Variants in FOXP2 observed in about 807,000 individuals in gnomAD.
FOXP2 encodes the protein forkhead box protein P2.
A neutral mutation model predicts 115.8 loss-of-function variants in FOXP2; 12 were observed. The observed-to-expected ratio is 0.10, with a 90% CI of 0.07 to 0.17. The LOEUF is 0.17. Ranked by LOEUF, FOXP2 falls within the 10% of genes least tolerant of loss-of-function variation. The pLI is 1.00. For missense variants in FOXP2, 629 were observed against 843.5 expected, an observed-to-expected ratio of 0.75 and a Z score of 3.15; for synonymous variants, 328 against 297.7, an observed-to-expected ratio of 1.10 and a Z score of -1.05.
intron 2 of FOXP2, among the ~76,000 whole-genome samples, chr7:114,332,249 T>C (rs1180057197): frequency 1.3e-5 from 2 of 152,212 alleles, no homozygotes; most frequent in Admixed American, 6.5e-5. Context: ...TTAAATAATT[T>C]GGTTGACAAA....
At chr7:114,167,855 G>C (rs1222486313) in intron 1 of FOXP2, among the ~76,000 whole-genome samples, 2 of 148,880 alleles carry the variant, frequency 1.3e-5, no homozygotes, top group Admixed American at 1.4e-4. Context: ...AGAATGGTGT[G>C]AACCTGGGAG....
At chr7:114,143,885 T>C (rs1313039847) in intron 1 of FOXP2, among the ~76,000 whole-genome samples, 1 of 152,120 alleles carries the variant, frequency 6.6e-6, no homozygotes. Flanking sequence ...CTGGTTCTAC[T>C]TAATAATTTT....
chr7:114,449,243 A>C (rs1416005820), intron 2 of FOXP2, among the ~76,000 whole-genome samples: 1 of 152,084 alleles, frequency 6.6e-6, no homozygotes, highest in Admixed American at 6.6e-5. Flanking sequence ...TAGATAGAGG[A>C]TCTAAAAATA....
At chr7:114,568,202 T>C (rs1162857404) in intron 3 of FOXP2, among the ~76,000 whole-genome samples, 2 of 152,018 alleles carry the variant, frequency 1.3e-5, no homozygotes, top group Non-Finnish European at 2.9e-5. Context: ...TGTCTCTTGT[T>C]CCTATGGATA....
At chr7:114,159,267 C>A (rs1792760224), upstream of FOXP2, among the ~76,000 whole-genome samples, 1 of 151,886 alleles carries the variant, frequency 6.6e-6, no homozygotes. Flanking sequence ...AAACAATGAG[C>A]TAAATGAAGC....
At chr7:114,476,003 T>C (rs2129233627) in intron 2 of FOXP2, among the ~76,000 whole-genome samples, 1 of 151,992 alleles carries the variant, frequency 6.6e-6, no homozygotes, top group African/African-American at 2.4e-5. Context: ...AACTAATATC[T>C]ATATCTATAT....
intron 3 of FOXP2, among the ~76,000 whole-genome samples, chr7:114,573,006 T>A (rs1801395887): frequency 1.3e-5 from 2 of 151,854 alleles, no homozygotes; most frequent in Non-Finnish European, 2.9e-5. Flanking sequence ...TTCTTCCATG[T>A]GTCTGAGACT....
At chr7:114,579,852 A>G (rs557112510) in intron 3 of FOXP2, among the ~76,000 whole-genome samples, 10 of 152,326 alleles carry the variant, frequency 6.6e-5, no homozygotes, top group African/African-American at 2.2e-4. Context: ...GTTATCACCT[A>G]TATTTGAGAA....
intron 1 of FOXP2, among the ~76,000 whole-genome samples, chr7:114,135,778 A>G (rs1254336144): frequency 1.3e-5 from 2 of 152,136 alleles, no homozygotes; most frequent in Non-Finnish European, 2.9e-5. Context: ...TACTTAACCC[A>G]TAAAATAAAG....
At chr7:114,684,448 G>A (rs1030154472) in intron 16 of FOXP2, among the ~76,000 whole-genome samples, 1 of 152,134 alleles carries the variant, frequency 6.6e-6, no homozygotes, top group African/African-American at 2.4e-5. Flanking sequence ...CCAAAATAAT[G>A]CTTATTGACT....
chr7:114,310,733 A>T (rs1488066347), intron 2 of FOXP2, among the ~76,000 whole-genome samples: 1 of 152,090 alleles, frequency 6.6e-6, no homozygotes, highest in African/African-American at 2.4e-5. Context: ...GGGTGAAATT[A>T]CACATCTCTT....
intron 1 of FOXP2, among the ~76,000 whole-genome samples, chr7:114,247,833 G>T (rs1023099535): frequency 6.6e-5 from 10 of 152,070 alleles, no homozygotes. Flanking sequence ...AATATTTTTA[G>T]AAGTACCTGG....
chr7:114,619,293 C>T (rs1364520846), intron 3 of FOXP2, among the ~76,000 whole-genome samples: 1 of 152,104 alleles, frequency 6.6e-6, no homozygotes, highest in East Asian at 1.9e-4. Context: ...CACAAAATAG[C>T]TGTCTTTGTA....
chr7:114,247,054 T>C (rs990662602), intron 1 of FOXP2, among the ~76,000 whole-genome samples: 1 of 152,218 alleles, frequency 6.6e-6, no homozygotes, highest in Admixed American at 6.5e-5. Context: ...TAAAGTTGTT[T>C]CTATGTATCA....
chr7:114,386,361 T>C (rs1032908282), intron 2 of FOXP2, among the ~76,000 whole-genome samples: 3 of 152,202 alleles, frequency 2.0e-5, no homozygotes, highest in Non-Finnish European at 2.9e-5. Context: ...TTTTAAGCTT[T>C]TTAAAACATT....
At chr7:114,141,829 G>A (rs112884594) in intron 1 of FOXP2, among the ~76,000 whole-genome samples, 1,700 of 151,588 alleles carry the variant, frequency 0.011, 36 homozygotes, top group African/African-American at 0.039. Context: ...ATAAAATAAC[G>A]GACTACTCTA....
At chr7:114,121,905 T>C (rs1229269607) in intron 1 of FOXP2, among the ~76,000 whole-genome samples, 1 of 152,076 alleles carries the variant, frequency 6.6e-6, no homozygotes, top group Middle Eastern at 3.2e-3. Context: ...GGGAAAAGAT[T>C]GTCCCATCAG....
In FOXP2 at chr7:114,689,830, C is replaced by G; in HGVS notation, c.2052C>G (p.Asp684Glu). 2 of 1,613,530 alleles carry G rather than the reference C, an allele frequency of 1.2e-6. No individual in the cohort carries two copies. Among genetic ancestry groups the G allele is most frequent in the Non-Finnish European group, 8.5e-7 (1 of 1,179,580 alleles). Residue 684 changes from aspartate (D) to glutamate (E), a missense_variant, in exon 17 of 17, where the codon GAC becomes GAG. Asp to Glu is a conservative substitution (Grantham distance 45). Transcript: ENST00000350908. ...KEEPVIAEDE[D>E]CPMSLVTTAN... ...AGCCAGTGATTGCAGAGGATGAAGA[C>G]TGCCCAATGTCCTTAGTGACAACAG...
At chr7:114,138,346 T>C (rs2129146577) in intron 1 of FOXP2, among the ~76,000 whole-genome samples, 1 of 151,494 alleles carries the variant, frequency 6.6e-6, no homozygotes, top group South Asian at 2.1e-4. Context: ...GTTCATAGTA[T>C]ATATCCTCTG....
Sources: allele counts gnomAD v4.1 joint callset (sites outside exome capture counted in the v4.1 genomes callset), GRCh38; gene constraint gnomAD v4.1.1; transcripts MANE v1.5; gene names NCBI Gene and HGNC (gene_info 2026-07-23, HGNC 2026-07-21).